Variants in DIAPH3 observed in about 807,000 individuals in gnomAD.
The protein encoded by DIAPH3 is protein diaphanous homolog 3.
Under a neutral mutation model 144.3 loss-of-function variants are expected in DIAPH3, and 117 were observed. The ratio of observed to expected loss-of-function variants is 0.81; its 90% confidence interval spans 0.70 to 0.95. The LOEUF (loss-of-function observed/expected upper bound fraction) is 0.95, where lower values mean the gene tolerates loss of function less well. Ranked by LOEUF, DIAPH3 falls within the 40% of genes least tolerant of loss-of-function variation. The pLI is 0.00. For synonymous variants in DIAPH3, 519 were observed against 488.9 expected (o/e 1.06, Z -0.81); for missense variants, 1,421 against 1,412.7 (o/e 1.01, Z -0.09).
intron 3 of DIAPH3, among the ~76,000 whole-genome samples, chr13:60,096,339 T>A (rs1566766707): frequency 6.6e-6 from 1 of 152,160 alleles, no homozygotes; most frequent in Non-Finnish European, 1.5e-5. Flanking sequence ...GAAATTGAAA[T>A]AAAATTTCAA....
intron 3 of DIAPH3, among the ~76,000 whole-genome samples, chr13:60,093,995 C>T (rs951983039): frequency 1.3e-5 from 2 of 152,186 alleles, no homozygotes; most frequent in African/African-American, 4.8e-5. Context: ...ATTATATTCA[C>T]ATAACTATAG....
chr13:59,817,760 T>C (rs912760031), intron 24 of DIAPH3, among the ~76,000 whole-genome samples: 1 of 151,958 alleles, frequency 6.6e-6, no homozygotes, highest in African/African-American at 2.4e-5. Context: ...GAATTTATAC[T>C]TGATATTTCT....
intron 27 of DIAPH3, among the ~76,000 whole-genome samples, chr13:59,753,758 A>G (rs1456583637): frequency 6.6e-6 from 1 of 152,198 alleles, no homozygotes; most frequent in Non-Finnish European, 1.5e-5. Flanking sequence ...AGTGCCAGCA[A>G]TATATTAAGA....
intron 4 of DIAPH3, among the ~76,000 whole-genome samples, chr13:60,085,902 GAAACAACTCAGTGACAAGATGA>G (rs936994782): frequency 1.3e-5 from 2 of 152,010 alleles, no homozygotes; most frequent in Admixed American, 6.6e-5. Context: ...CTTAGGCCAA[GAAACAACTCAGTGACAAGATGA>G]AAACAACTCA....
chr13:60,076,181 C>A, intron 4 of DIAPH3, among the ~76,000 whole-genome samples: 1 of 152,184 alleles, frequency 6.6e-6, no homozygotes, highest in African/African-American at 2.4e-5. Flanking sequence ...GCAGAGTGAA[C>A]ACAGTAAGTT....
intron 4 of DIAPH3, among the ~76,000 whole-genome samples, chr13:60,089,807 C>T (rs1458572010): frequency 6.6e-6 from 1 of 152,142 alleles, no homozygotes; most frequent in Non-Finnish European, 1.5e-5. Context: ...TATGAGTGAG[C>T]CCACACTAAG....
At chr13:60,059,067 T>C (rs1055739951) in intron 4 of DIAPH3, among the ~76,000 whole-genome samples, 1 of 151,808 alleles carries the variant, frequency 6.6e-6, no homozygotes, top group Non-Finnish European at 1.5e-5. Flanking sequence ...TGTTAATATG[T>C]ATAAAAAGTA....
At chr13:59,867,979 C>T (rs1220094014) in intron 21 of DIAPH3, among the ~76,000 whole-genome samples, 1 of 152,016 alleles carries the variant, frequency 6.6e-6, no homozygotes, top group Non-Finnish European at 1.5e-5. Flanking sequence ...ACTGCTTCAG[C>T]AACTATATCA....
intron 27 of DIAPH3, among the ~76,000 whole-genome samples, chr13:59,749,056 G>A (rs2036848608): frequency 6.6e-6 from 1 of 151,166 alleles, no homozygotes; most frequent in Admixed American, 6.6e-5. Context: ...TCTACTGAGA[G>A]TGAGATAGTT....
chr13:59,768,347 C>G (rs1047049686), intron 27 of DIAPH3, among the ~76,000 whole-genome samples: 1 of 152,048 alleles, frequency 6.6e-6, no homozygotes, highest in Non-Finnish European at 1.5e-5. Flanking sequence ...GTTCCTTATG[C>G]TCTTTCTACT....
intron 4 of DIAPH3, among the ~76,000 whole-genome samples, chr13:60,074,833 T>C (rs1447960414): frequency 6.6e-6 from 1 of 152,176 alleles, no homozygotes; most frequent in African/African-American, 2.4e-5. Context: ...TTAACAGCTG[T>C]ATTATCCATC....
intron 27 of DIAPH3, among the ~76,000 whole-genome samples, chr13:59,762,067 T>C (rs1307639844): frequency 2.6e-4 from 28 of 108,330 alleles, no homozygotes; most frequent in African/African-American, 1.1e-3. Flanking sequence ...TTTTTTTTTT[T>C]TTTTTTTTTT....
At chr13:59,902,763 G>T (rs1487077340) in intron 20 of DIAPH3, among the ~76,000 whole-genome samples, 1 of 152,132 alleles carries the variant, frequency 6.6e-6, no homozygotes, top group Admixed American at 6.6e-5. Context: ...GCAATGAAGT[G>T]AAACTGTCTC....
At chr13:59,830,588 TCAAA>T (rs1216520217) in intron 24 of DIAPH3, among the ~76,000 whole-genome samples, 1 of 151,756 alleles carries the variant, frequency 6.6e-6, no homozygotes, top group Non-Finnish European at 1.5e-5. Context: ...CTTTTCCCAT[TCAAA>T]CACTTTCTCT....
rs999925035 is a variant in DIAPH3 at position 59,734,625 on chromosome 13, C to T, written c.3319+39564G>A. ...TATAACAGCCGCTGCTGTCTTACACCGACAACCAGTGATTGATAACAAAAC... is the reference window on the plus strand; with the variant it reads ...TATAACAGCCGCTGCTGTCTTACACTGACAACCAGTGATTGATAACAAAAC... On this transcript the variant is annotated intron_variant, in intron 27 of 27. Transcript: ENST00000400324. Among the ~76,000 whole-genome samples the T allele has an allele frequency of 3.3e-5, 5 of 152,196 alleles. No individual in the cohort carries two copies. In the South Asian group the frequency reaches 8.3e-4, roughly 25 times the overall value.
intron 22 of DIAPH3, among the ~76,000 whole-genome samples, chr13:59,841,497 G>C (rs1378475702): frequency 6.6e-6 from 1 of 152,056 alleles, no homozygotes. Flanking sequence ...TGGAGGCTGA[G>C]GTGGGAAAAT....
chr13:59,707,683 A>G (rs894991008), intron 27 of DIAPH3, among the ~76,000 whole-genome samples: 2 of 152,214 alleles, frequency 1.3e-5, no homozygotes, highest in Non-Finnish European at 2.9e-5. Flanking sequence ...TTAAACTGCA[A>G]GAGAAGAAAT....
chr13:59,780,418 T>C (rs990394581), intron 25 of DIAPH3, among the ~76,000 whole-genome samples: 12 of 152,210 alleles, frequency 7.9e-5, no homozygotes, highest in East Asian at 1.9e-4. Flanking sequence ...TATTCTAACA[T>C]AGACCAGAGA....
At chr13:59,791,834 G>GA (rs1339283867) in intron 25 of DIAPH3, among the ~76,000 whole-genome samples, 3 of 152,216 alleles carry the variant, frequency 2.0e-5, no homozygotes, top group African/African-American at 7.2e-5. Context: ...AGAAAGACCA[G>GA]AAACACTCCT....
Sources: gnomAD v4.1 joint callset for allele counts (sites outside exome capture counted in the v4.1 genomes callset) on GRCh38, gnomAD v4.1.1 for gene constraint, MANE v1.5 for transcripts, NCBI Gene and HGNC (gene_info 2026-07-23, HGNC 2026-07-21) for gene names.